The following GYS1 variants were observed in gnomAD, a reference collection of about 807,000 sequenced individuals.
The protein encoded by GYS1 is glycogen [starch] synthase, muscle.
Under a neutral mutation model 89.1 loss-of-function variants are expected in GYS1, and 60 were observed. The observed-to-expected ratio is 0.67, with a 90% CI of 0.55 to 0.84. The LOEUF (loss-of-function observed/expected upper bound fraction) is 0.84. GYS1 is among the 40% of genes least tolerant of loss of function. The pLI is 0.00. For synonymous variants in GYS1, 366 were observed against 401.7 expected (o/e 0.91, Z 1.06); for missense variants, 888 against 1,003.1 (o/e 0.89, Z 1.55).
In GYS1 at chr19:48,987,190, C is replaced by T. The variant is rs2038854775; in HGVS notation, c.492+4G>A. The T allele has an allele frequency of 3.1e-6, 5 of 1,605,462 alleles. No individual in the cohort carries two copies. Among genetic ancestry groups the T allele is most frequent in the Non-Finnish European group, 4.3e-6 (5 of 1,172,554 alleles). ...ATGGGTGGAATGTGTCAGACGGGGC[C>T]TACCTCACCCAGGAACCAGGTGGTC... On this transcript the variant is annotated splice_donor_region_variant and intron_variant, in intron 3 of 15. Transcript: ENST00000323798.
Position 48,968,789 on chromosome 19 carries a change from T to C in GYS1, c.*499A>G, listed in dbSNP as rs1365405992. The C allele has an allele frequency of 4.4e-6, 2 of 454,594 alleles. No homozygotes were observed. Among genetic ancestry groups the C allele is most frequent in the Admixed American group, 2.3e-5 (1 of 42,570 alleles). The allele number at this position is 454,594 out of a possible 1,614,324, so 28.2% of individuals were successfully genotyped here. On this transcript the variant is annotated 3_prime_UTR_variant, in exon 16 of 16. Coordinates refer to ENST00000323798, the MANE Select transcript of GYS1 (RefSeq NM_002103.5). ...AAATGGAGGACCATCTGCTCTCAGTTACCTTCAAACTCTGAAAGTGCCCCG... is the reference window on the plus strand; with the variant it reads ...AAATGGAGGACCATCTGCTCTCAGTCACCTTCAAACTCTGAAAGTGCCCCG...
intron 8 of GYS1, 86 bp from the exon 9 acceptor site, chr19:48,978,243 G>C: frequency 8.2e-7 from 1 of 1,221,004 alleles, no homozygotes; most frequent in Middle Eastern, 2.4e-4. Context: ...TGTTTATTTT[G>C]AGACGGAGTT....
At position 48,968,617 on chromosome 19, in the gene GYS1, GAGCAGCCAAGTGGTTCT is replaced by G. The variant is rs1254784957; in HGVS notation, c.*654_*670del. Reference sequence around the variant, plus strand: ...AGACTGTGTGTCCTCCAGAAGGAATGAGCAGCCAAGTGGTTCTACCACCTCTTGCTTGGCCAAAGTGT... The same window carrying G: ...AGACTGTGTGTCCTCCAGAAGGAATGACCACCTCTTGCTTGGCCAAAGTGT... On this transcript the variant is annotated 3_prime_UTR_variant, in exon 16 of 16. Transcript: ENST00000323798. 6 of 454,342 alleles carry G rather than the reference GAGCAGCCAAGTGGTTCT, an allele frequency of 1.3e-5. No homozygotes were observed. Among genetic ancestry groups the G allele is most frequent in the Non-Finnish European group, 2.6e-5 (6 of 226,802 alleles). 28.1% of individuals were successfully genotyped at this position (454,342 alleles called of 1,614,324 possible).
rs374841853 is a variant in GYS1 at position 48,986,502 on chromosome 19, T to C, written c.493-467A>G. On this transcript the variant is annotated intron_variant, in intron 3 of 15. Coordinates refer to ENST00000323798, the MANE Select transcript of GYS1 (RefSeq NM_002103.5). ...GAAATTAAGCTTCTTTTTTTTTTTT[T>C]CTTTTTCTTTTTTTTTTTGAGACAG... Among the ~76,000 whole-genome samples the C allele has an allele frequency of 7.2e-3, 1,084 of 150,906 alleles. 20 individuals carry two copies. The highest frequency in any genetic ancestry group is 0.025 in the African/African-American group (1,033 of 40,820).
At chr19:48,981,417 A>T in intron 8 of GYS1, 113 bp downstream of exon 8, 1 of 716,106 alleles carries the variant, frequency 1.4e-6, no homozygotes, top group South Asian at 1.5e-5. Context: ...TCTCAAAAAC[A>T]AACAAACAAA....
In GYS1 at chr19:48,993,086, CATGGA is replaced by C. The variant is rs1568628323; in HGVS notation, c.22_26del (p.Ser8ValfsTer12). On this transcript the variant is annotated frameshift_variant, in exon 1 of 16. Transcript: ENST00000323798. LOFTEE classifies it high-confidence loss of function. ...AGTCCTCCAGTCCTGGCAGTGAGGA[CATGGA>C]CAAAGTGCGGTTTAAAGGCATGGCT... 1 of 1,611,914 alleles carries C rather than the reference CATGGA, an allele frequency of 6.2e-7. No homozygotes were observed. The highest frequency in any genetic ancestry group is 8.5e-7 in the Non-Finnish European group (1 of 1,178,090).
At chr19:48,981,055 G>A (rs147082105) in intron 8 of GYS1, among the ~76,000 whole-genome samples, 1,797 of 151,600 alleles carry the variant, frequency 0.012, 29 homozygotes, top group African/African-American at 0.042. Context: ...AGAGGTTGCA[G>A]TGAGCCGAGA....
chr19:48,978,262 G>T, intron 8 of GYS1, 105 bp from the exon 9 acceptor site: 1 of 1,008,768 alleles, frequency 9.9e-7, no homozygotes, highest in Non-Finnish European at 1.6e-6. Context: ...TTTGGCTCTT[G>T]TTGCCCAGGC....
chr19:48,993,255 C>T lies in GYS1; in HGVS notation c.-143G>A, dbSNP rs1449314684. ...GACGCTCGGCTTCCTATTGCAAGAC[C>T]GCACCCCTGCCCCGAAGCGTTGGGA... On this transcript the variant is annotated 5_prime_UTR_variant, in exon 1 of 16. Coordinates refer to ENST00000323798, the MANE Select transcript of GYS1 (RefSeq NM_002103.5). 1.3e-6 allele frequency: 1 copy of T among 747,112 alleles called. No individual in the cohort carries two copies. The highest frequency in any genetic ancestry group is 1.7e-5 in the African/African-American group (1 of 58,628). The allele number at this position is 747,112 out of a possible 1,614,324, so 46.3% of individuals were successfully genotyped here. A position where few individuals can be genotyped will look rare whatever the true frequency, so the allele number is the denominator to read the frequency against.
intron 10 of GYS1, among the ~76,000 whole-genome samples, chr19:48,975,171 T>C (rs2038625992): frequency 6.6e-6 from 1 of 152,010 alleles, no homozygotes; most frequent in African/African-American, 2.4e-5. Context: ...GACCTCGTGA[T>C]CCACCTGCCT....
At chr19:48,984,877 TC>T (rs2038817841) in intron 5 of GYS1, among the ~76,000 whole-genome samples, 1 of 151,758 alleles carries the variant, frequency 6.6e-6, no homozygotes, top group African/African-American at 2.4e-5. Context: ...CGAGACTCCG[TC>T]TCAAAAATAA....
chr19:48,976,026 G>A (rs1006418971), intron 10 of GYS1, among the ~76,000 whole-genome samples: 1 of 151,830 alleles, frequency 6.6e-6, no homozygotes, highest in Non-Finnish European at 1.5e-5. Context: ...GAGCTAGTGT[G>A]ATAGGAAGTC....
At chr19:48,986,505 TTTTC>T (rs1182566512) in intron 3 of GYS1, among the ~76,000 whole-genome samples, 1 of 151,206 alleles carries the variant, frequency 6.6e-6, no homozygotes, top group East Asian at 1.9e-4. Context: ...TTTTTTTTCT[TTTTC>T]TTTTTTTTTT....
rs373111758 is a variant in GYS1 at position 48,969,599 on chromosome 19, G to A, written c.1903C>T (p.Arg635Cys). The A allele has an allele frequency of 1.9e-6, 3 of 1,538,788 alleles. No homozygotes were observed. The highest frequency in any genetic ancestry group is 1.4e-5 in the African/African-American group (1 of 72,976). ...PNEADAAQGY[R>C]YPRPASVPPS... ...GGCACCGAGGCTGGCCGTGGGTAGCGGTACCCCTGGGCCTGCATACGGCGA... is the reference window on the plus strand; with the variant it reads ...GGCACCGAGGCTGGCCGTGGGTAGCAGTACCCCTGGGCCTGCATACGGCGA... Residue 635 changes from arginine to cysteine, a missense_variant, in exon 16 of 16, where the codon CGC (arginine) becomes TGC (cysteine). By Grantham distance (180) the Arg-to-Cys change is radical (BLOSUM62 -3). Coordinates refer to ENST00000323798, the MANE Select transcript of GYS1 (RefSeq NM_002103.5).
intron 12 of GYS1, among the ~76,000 whole-genome samples, chr19:48,972,758 C>T (rs536109598): frequency 5.6e-4 from 86 of 152,218 alleles, no homozygotes; most frequent in African/African-American, 1.8e-3. Flanking sequence ...GGATTATAGG[C>T]GTGAGCCACC....
chr19:48,988,555 G>A (rs1239781984), intron 2 of GYS1, among the ~76,000 whole-genome samples: 1 of 151,904 alleles, frequency 6.6e-6, no homozygotes, highest in African/African-American at 2.4e-5. Flanking sequence ...CTGCGTTCAA[G>A]CAGTTTTCTT....
intron 1 of GYS1, 42 bp downstream of exon 1, chr19:48,992,953 A>T: frequency 8.7e-7 from 1 of 1,155,752 alleles, no homozygotes; most frequent in Non-Finnish European, 1.3e-6. Flanking sequence ...CCCATCCACT[A>T]CTGTCCTTCT....
At position 48,969,486 on chromosome 19, in the gene GYS1, G is replaced by A. The variant is rs1213596695; in HGVS notation, c.2016C>T (p.Gly672=). 1.9e-6 allele frequency: 3 copies of A among 1,544,930 alleles called. No individual in the cohort carries two copies. Among genetic ancestry groups the A allele is most frequent in the Non-Finnish European group, 2.6e-6 (3 of 1,146,884 alleles). The change falls in exon 16 of 16, where the codon GGC becomes GGT. Residue 672 remains glycine (G), a synonymous_variant. Transcript: ENST00000323798. ...DPRNGPLEED[G]ERYDEDEEAA... ...CCTCCTCGTCCTCATCGTAGCGCTC[G>A]CCGTCTTCCTCCAGCGGCCCGTTCC...
chr19:48,982,966 TC>T lies in GYS1; in HGVS notation c.824-130del, dbSNP rs564230331. On this transcript the variant is annotated intron_variant, in intron 5 of 15. Coordinates refer to ENST00000323798, the MANE Select transcript of GYS1 (RefSeq NM_002103.5). ...TTGTTTCAAGAGCGTTCCTATGAGG[TC>T]CCCCCTCCCACCTTTTTTGTTTGTT... 54 of 731,814 alleles carry T rather than the reference TC, an allele frequency of 7.4e-5. 1 individual carries two copies. Among genetic ancestry groups the T allele is most frequent in the Admixed American group, 5.7e-4 (29 of 50,478 alleles). The allele number at this position is 731,814 out of a possible 1,614,324, so 45.3% of individuals were successfully genotyped here.
Sources: gnomAD v4.1 joint callset for allele counts (sites outside exome capture counted in the v4.1 genomes callset) on GRCh38, gnomAD v4.1.1 for gene constraint, MANE v1.5 for transcripts, NCBI Gene and HGNC (gene_info 2026-07-23, HGNC 2026-07-21) for gene names.